GPC5: variants seen among roughly 807,000 people sequenced by gnomAD.
GPC5 encodes glypican 5.
In GPC5, 47 loss-of-function variants were observed where a neutral mutation model predicts 53.9. The ratio of observed to expected loss-of-function variants is 0.87; its 90% CI spans 0.69 to 1.11. GPC5 has a LOEUF of 1.11. GPC5 is among the 50% of genes most tolerant of loss of function. GPC5 has a pLI of 0.00. For missense variants in GPC5, 748 were observed against 713.1 expected, an observed-to-expected ratio of 1.05 and a Z score of -0.56; for synonymous variants, 286 against 263.3, an observed-to-expected ratio of 1.09 and a Z score of -0.84.
intron 7 of GPC5, among the ~76,000 whole-genome samples, chr13:92,365,896 T>TA (rs34624888): frequency 4.0e-5 from 6 of 149,736 alleles, no homozygotes; most frequent in Admixed American, 1.3e-4. Flanking sequence ...ATAGTTATCT[T>TA]AAAAAAAAAG....
intron 7 of GPC5, among the ~76,000 whole-genome samples, chr13:92,293,353 T>C (rs2043010608): frequency 6.6e-6 from 1 of 151,950 alleles, no homozygotes; most frequent in African/African-American, 2.4e-5. Flanking sequence ...AGCAGTGTTT[T>C]GAAGTTTTCC....
intron 6 of GPC5, among the ~76,000 whole-genome samples, chr13:91,908,489 T>C (rs568836697): frequency 1.7e-3 from 260 of 152,250 alleles, no homozygotes; most frequent in African/African-American, 6.1e-3. Flanking sequence ...AGATGAATAA[T>C]ATGTATTTAT....
At chr13:91,848,265 C>T (rs1179949414) in intron 5 of GPC5, among the ~76,000 whole-genome samples, 3 of 152,252 alleles carry the variant, frequency 2.0e-5, no homozygotes, top group Non-Finnish European at 4.4e-5. Flanking sequence ...AGTGTATTCT[C>T]AGTTCCTGTG....
At chr13:92,020,181 C>G (rs867742036) in intron 6 of GPC5, among the ~76,000 whole-genome samples, 4 of 152,160 alleles carry the variant, frequency 2.6e-5, no homozygotes, top group Middle Eastern at 3.4e-3. Flanking sequence ...CTCTCTTCTA[C>G]TTTTAAGAAA....
intron 7 of GPC5, among the ~76,000 whole-genome samples, chr13:92,337,492 T>A (rs988725614): frequency 6.6e-6 from 1 of 152,042 alleles, no homozygotes; most frequent in African/African-American, 2.4e-5. Flanking sequence ...GAAGGAGAAT[T>A]ACAAAGGAGA....
At chr13:92,201,918 T>A (rs2042297946) in intron 7 of GPC5, among the ~76,000 whole-genome samples, 1 of 152,204 alleles carries the variant, frequency 6.6e-6, no homozygotes, top group Non-Finnish European at 1.5e-5. Context: ...GGAAGTTACT[T>A]TGGCAACATT....
intron 3 of GPC5, among the ~76,000 whole-genome samples, chr13:91,716,627 G>A (rs2139936669): frequency 6.6e-6 from 1 of 152,012 alleles, no homozygotes; most frequent in South Asian, 2.1e-4. Flanking sequence ...ATAAGCATTT[G>A]TCTATCAAAT....
chr13:91,574,647 C>G (rs1379383002), intron 2 of GPC5, among the ~76,000 whole-genome samples: 1 of 152,088 alleles, frequency 6.6e-6, no homozygotes, highest in African/African-American at 2.4e-5. Context: ...ACTATATATG[C>G]ATGCCTAGCG....
At position 92,331,236 on chromosome 13, in the gene GPC5, A is replaced by T. The variant is rs1192236397; in HGVS notation, c.1561+186247A>T. On this transcript the variant is annotated intron_variant, in intron 7 of 7. Coordinates refer to ENST00000377067, the MANE Select transcript of GPC5 (RefSeq NM_004466.6). ...CATTTAACACACATGACTATATCCT[A>T]GGTTTAGTGAAGCAGAAAACAAAGT... 2.6e-5 allele frequency among the ~76,000 whole-genome samples: 4 copies of T among 152,220 alleles called. No homozygotes were observed. In the South Asian group the frequency reaches 8.3e-4, roughly 32 times the overall value.
intron 2 of GPC5, among the ~76,000 whole-genome samples, chr13:91,686,062 G>A (rs1403875240): frequency 6.6e-6 from 1 of 151,942 alleles, no homozygotes; most frequent in Admixed American, 6.6e-5. Flanking sequence ...TCTAGATTGT[G>A]TTTCTGAGTT....
At chr13:92,377,631 C>A (rs2043705900) in intron 7 of GPC5, among the ~76,000 whole-genome samples, 1 of 152,136 alleles carries the variant, frequency 6.6e-6, no homozygotes, top group Non-Finnish European at 1.5e-5. Flanking sequence ...ATGAAAAATT[C>A]ATATGTCCTT....
intron 2 of GPC5, among the ~76,000 whole-genome samples, chr13:91,678,613 G>A (rs1405551460): frequency 6.6e-6 from 1 of 152,112 alleles, no homozygotes; most frequent in Non-Finnish European, 1.5e-5. Context: ...ACAAGTTAAT[G>A]ACAATTCTTA....
At chr13:92,841,555 C>T (rs1033839548) in intron 7 of GPC5, among the ~76,000 whole-genome samples, 2 of 151,948 alleles carry the variant, frequency 1.3e-5, no homozygotes, top group East Asian at 1.9e-4. Flanking sequence ...TCATTTCATC[C>T]GCATATACTT....
chr13:92,038,395 G>A (rs1244314496), intron 6 of GPC5, among the ~76,000 whole-genome samples: 1 of 147,594 alleles, frequency 6.8e-6, no homozygotes, highest in African/African-American at 2.5e-5. Context: ...TAGATAGATA[G>A]ATCGATCCCT....
chr13:92,844,502 T>C (rs947979247), intron 7 of GPC5, among the ~76,000 whole-genome samples: 1 of 151,880 alleles, frequency 6.6e-6, no homozygotes, highest in Non-Finnish European at 1.5e-5. Flanking sequence ...CCTTAATACA[T>C]CTTTTTGCAT....
intron 7 of GPC5, among the ~76,000 whole-genome samples, chr13:92,745,220 CTT>C (rs887736797): frequency 6.6e-6 from 1 of 151,904 alleles, no homozygotes; most frequent in Non-Finnish European, 1.5e-5. Flanking sequence ...CAATTTGGGT[CTT>C]TTTACTTTTT....
chr13:92,491,399 A>G (rs1879755703), intron 7 of GPC5, among the ~76,000 whole-genome samples: 1 of 152,124 alleles, frequency 6.6e-6, no homozygotes, highest in Admixed American at 6.6e-5. Flanking sequence ...ATATTTTAGA[A>G]ATGTGCAATT....
chr13:91,766,512 T>C (rs77177303), intron 5 of GPC5, among the ~76,000 whole-genome samples: 298 of 152,314 alleles, frequency 2.0e-3, no homozygotes, highest in African/African-American at 6.8e-3. Flanking sequence ...CACTTACCAG[T>C]GATGTGAATT....
chr13:92,677,569 G>A (rs1236324807), intron 7 of GPC5, among the ~76,000 whole-genome samples: 1 of 152,204 alleles, frequency 6.6e-6, no homozygotes, highest in African/African-American at 2.4e-5. Flanking sequence ...TCATTGGCAG[G>A]TGAATCTGGA....
Sources: allele counts gnomAD v4.1 joint callset (sites outside exome capture counted in the v4.1 genomes callset), GRCh38; gene constraint gnomAD v4.1.1; transcripts MANE v1.5; gene names NCBI Gene and HGNC (gene_info 2026-07-23, HGNC 2026-07-21).